The following CAMTA1 variants were observed in gnomAD, a reference collection of about 807,000 sequenced individuals.
CAMTA1 encodes the protein calmodulin-binding transcription activator 1.
A neutral mutation model predicts 170.9 loss-of-function variants in CAMTA1; 27 were observed. The observed-to-expected ratio is 0.16, with a 90% CI of 0.12 to 0.22. CAMTA1 has a LOEUF of 0.22. Ranked by LOEUF, CAMTA1 falls within the 10% of genes least tolerant of loss-of-function variation. The pLI, the probability that CAMTA1 is intolerant of heterozygous loss-of-function variation, is 1.00. For synonymous variants in CAMTA1, 833 were observed against 891.5 expected, an observed-to-expected ratio of 0.93 and a Z score of 1.17; for missense variants, 1,619 against 2,217.2, an observed-to-expected ratio of 0.73 and a Z score of 5.42.
intron 3 of CAMTA1, among the ~76,000 whole-genome samples, chr1:7,051,014 C>T (rs924383456): frequency 1.1e-4 from 17 of 152,172 alleles, no homozygotes; most frequent in Admixed American, 9.8e-4. Context: ...GCATGTGGAA[C>T]GAGGCCCTGG....
chr1:7,617,684 T>C (rs74053110), intron 6 of CAMTA1, among the ~76,000 whole-genome samples: 2,341 of 150,506 alleles, frequency 0.016, 65 homozygotes, highest in African/African-American at 0.055. Flanking sequence ...ACTTTGGTCA[T>C]GCACACCCAC....
chr1:7,506,701 A>G (rs893477335), intron 6 of CAMTA1, among the ~76,000 whole-genome samples: 1 of 151,604 alleles, frequency 6.6e-6, no homozygotes, highest in Non-Finnish European at 1.5e-5. Context: ...CGAAATGCAC[A>G]CTCACACGCT....
At chr1:7,596,962 C>G (rs1022247255) in intron 6 of CAMTA1, among the ~76,000 whole-genome samples, 3 of 152,102 alleles carry the variant, frequency 2.0e-5, no homozygotes, top group Non-Finnish European at 4.4e-5. Context: ...CCTGGCAGCC[C>G]AGGAGACTGA....
intron 5 of CAMTA1, among the ~76,000 whole-genome samples, chr1:7,458,534 C>A (rs1275661371): frequency 1.3e-5 from 2 of 152,224 alleles, no homozygotes; most frequent in Admixed American, 1.3e-4. Context: ...TCCCAGGGAG[C>A]CCTGGAGAAT....
intron 5 of CAMTA1, among the ~76,000 whole-genome samples, chr1:7,345,235 G>C (rs1038697871): frequency 6.6e-6 from 1 of 152,166 alleles, no homozygotes; most frequent in Admixed American, 6.5e-5. Context: ...TTTTAATACA[G>C]TCAGTGTTCT....
chr1:7,134,859 A>C (rs939424017), intron 4 of CAMTA1, among the ~76,000 whole-genome samples: 2 of 152,204 alleles, frequency 1.3e-5, no homozygotes, highest in African/African-American at 4.8e-5. Context: ...CAAAGGATGC[A>C]TCCAACAGAG....
intron 6 of CAMTA1, among the ~76,000 whole-genome samples, chr1:7,492,356 C>G (rs2093716771): frequency 6.6e-6 from 1 of 152,158 alleles, no homozygotes; most frequent in African/African-American, 2.4e-5. Context: ...TGCATAGAGG[C>G]TCAGAAGAGC....
At chr1:7,156,330 A>G (rs966143971) in intron 4 of CAMTA1, among the ~76,000 whole-genome samples, 1 of 151,822 alleles carries the variant, frequency 6.6e-6, no homozygotes, top group Admixed American at 6.6e-5. Context: ...AGGAACCCCC[A>G]GCCTAGTGGT....
intron 5 of CAMTA1, among the ~76,000 whole-genome samples, chr1:7,451,401 G>A (rs1164847993): frequency 2.6e-5 from 4 of 152,120 alleles, no homozygotes; most frequent in Non-Finnish European, 5.9e-5. Context: ...GGCCGCCCTC[G>A]CCACTGCGGC....
At chr1:6,947,604 A>C (rs2149459824) in intron 3 of CAMTA1, among the ~76,000 whole-genome samples, 1 of 150,300 alleles carries the variant, frequency 6.7e-6, no homozygotes, top group East Asian at 2.0e-4. Context: ...GCTGGTCTTG[A>C]ACTCCTGACC....
intron 4 of CAMTA1, among the ~76,000 whole-genome samples, chr1:7,177,581 T>C (rs1187263167): frequency 9.8e-6 from 1 of 101,596 alleles, no homozygotes; most frequent in Non-Finnish European, 2.0e-5. Flanking sequence ...GCATCAAAAC[T>C]CTCCCCATAC....
At chr1:7,695,980 C>T (rs952208402) in intron 11 of CAMTA1, among the ~76,000 whole-genome samples, 5 of 152,096 alleles carry the variant, frequency 3.3e-5, no homozygotes, top group African/African-American at 1.2e-4. Context: ...GACCTTGGTA[C>T]TTATTATTCT....
At chr1:7,503,157 C>A (rs1253459644) in intron 6 of CAMTA1, among the ~76,000 whole-genome samples, 1 of 152,142 alleles carries the variant, frequency 6.6e-6, no homozygotes, top group Non-Finnish European at 1.5e-5. Flanking sequence ...CAGGCACAAG[C>A]CCTAGAAGCC....
intron 6 of CAMTA1, among the ~76,000 whole-genome samples, chr1:7,500,982 G>A (rs534621040): frequency 6.6e-6 from 1 of 152,206 alleles, no homozygotes; most frequent in African/African-American, 2.4e-5. Context: ...CATCCCCAGG[G>A]GACTGAGGTA....
At chr1:7,581,046 G>C (rs541657586) in intron 6 of CAMTA1, among the ~76,000 whole-genome samples, 1 of 152,344 alleles carries the variant, frequency 6.6e-6, no homozygotes, top group South Asian at 2.1e-4. Context: ...CGGTGCCAGG[G>C]GCACTGGGGA....
At chr1:7,675,710 C>A (rs560719661) in intron 10 of CAMTA1, among the ~76,000 whole-genome samples, 1 of 152,098 alleles carries the variant, frequency 6.6e-6, no homozygotes, top group Non-Finnish European at 1.5e-5. Flanking sequence ...CAAATGATGG[C>A]GGCATGGACT....
intron 4 of CAMTA1, among the ~76,000 whole-genome samples, chr1:7,197,727 T>A (rs1020240420): frequency 1.1e-4 from 16 of 150,698 alleles, no homozygotes; most frequent in African/African-American, 3.7e-4. Context: ...TCCCAACAAC[T>A]GGGGTATTTT....
intron 5 of CAMTA1, among the ~76,000 whole-genome samples, chr1:7,289,393 G>A (rs1481405539): frequency 2.0e-5 from 3 of 152,146 alleles, no homozygotes; most frequent in East Asian, 1.9e-4. Flanking sequence ...GAAGACAAGA[G>A]GATGAGATAA....
chr1:6,874,731 C>T (rs931740441), intron 3 of CAMTA1, among the ~76,000 whole-genome samples: 2 of 152,164 alleles, frequency 1.3e-5, no homozygotes, highest in African/African-American at 2.4e-5. Flanking sequence ...CTCCATAACC[C>T]TTTGTTGATA....
Sources: gnomAD v4.1 joint callset for allele counts (sites outside exome capture counted in the v4.1 genomes callset) on GRCh38, gnomAD v4.1.1 for gene constraint, MANE v1.5 for transcripts, NCBI Gene and HGNC (gene_info 2026-07-23, HGNC 2026-07-21) for gene names.